KLHL3: variants seen among roughly 807,000 people sequenced by gnomAD.
The protein encoded by KLHL3 is kelch like family member 3, also known as kelch-like protein 3.
Under a neutral mutation model 70.5 loss-of-function variants are expected in KLHL3, and 19 were observed. The ratio of observed to expected loss-of-function variants is 0.27; its 90% CI spans 0.19 to 0.40. The LOEUF (loss-of-function observed/expected upper bound fraction) is 0.40, where lower values mean the gene tolerates loss of function less well. Ranked by LOEUF, KLHL3 falls within the 10% of genes least tolerant of loss-of-function variation. The probability of loss-of-function intolerance (pLI) is 1.00; values close to 1 mark genes in which losing one functional copy is unlikely to be tolerated. For missense variants in KLHL3, 512 were observed against 771.1 expected (o/e 0.66, Z 3.98); for synonymous variants, 258 against 290.3 (o/e 0.89, Z 1.13).
chr5:137,678,222 T>C (rs865833403), intron 5 of KLHL3, among the ~76,000 whole-genome samples: 11 of 152,148 alleles, frequency 7.2e-5, no homozygotes, highest in Admixed American at 2.0e-4. Flanking sequence ...CATCCAGGTA[T>C]AGTGGCAACA....
chr5:137,673,842 A>AAGT (rs1554093258), intron 6 of KLHL3: 29,546 of 151,868 alleles, frequency 0.19, 3,128 homozygotes, highest in African/African-American at 0.27. Context: ...ATGCTGGAAG[A>AAGT]ACAGTCTCTG....
intron 1 of KLHL3, among the ~76,000 whole-genome samples, chr5:137,721,816 C>G (rs1753002770): frequency 6.6e-6 from 1 of 152,214 alleles, no homozygotes; most frequent in Admixed American, 6.5e-5. Flanking sequence ...ACAAAATACT[C>G]AAATCCCTGT....
At chr5:137,655,929 T>C (rs1751329385) in intron 8 of KLHL3, among the ~76,000 whole-genome samples, 1 of 141,094 alleles carries the variant, frequency 7.1e-6, no homozygotes, top group South Asian at 2.2e-4. Context: ...AGATGGAAGC[T>C]GAAGTGAGCT....
Position 137,735,915 on chromosome 5 carries a change from C to T in KLHL3, c.-269G>A, listed in dbSNP as rs1327722477. 5.7e-6 allele frequency: 3 copies of T among 524,522 alleles called. No individual in the cohort carries two copies. The highest frequency in any genetic ancestry group is 3.1e-5 in the Admixed American group (1 of 32,252). The allele number at this position is 524,522 out of a possible 1,614,324, so 32.5% of individuals were successfully genotyped here. Reference sequence around the variant, plus strand: ...GCTGCTAAAAGCAGCAACCCACTTGCTCCCCCTCCCCCGCAGGCTTGCTGC... The same window carrying T: ...GCTGCTAAAAGCAGCAACCCACTTGTTCCCCCTCCCCCGCAGGCTTGCTGC... On this transcript the variant is annotated 5_prime_UTR_variant, in exon 1 of 15. Transcript: ENST00000309755.
intron 7 of KLHL3, among the ~76,000 whole-genome samples, chr5:137,658,818 G>A (rs1561594349): frequency 6.6e-6 from 1 of 152,160 alleles, no homozygotes; most frequent in Admixed American, 6.5e-5. Context: ...AGGTCTCAGG[G>A]CAGAAAATCG....
intron 12 of KLHL3, 97 bp from the exon 13 acceptor site, chr5:137,628,534 G>A (rs571823862): frequency 1.0e-5 from 14 of 1,369,792 alleles, no homozygotes; most frequent in South Asian, 9.4e-5. Context: ...TGACCAGTGA[G>A]GGGACTTGGG....
intron 13 of KLHL3, among the ~76,000 whole-genome samples, chr5:137,626,650 C>A (rs139497456): frequency 1.3e-5 from 2 of 151,998 alleles, no homozygotes; most frequent in Non-Finnish European, 2.9e-5. Context: ...ACTGGTGAGA[C>A]GAAAAAATGG....
At chr5:137,706,475 G>C in intron 3 of KLHL3, 1 of 678,210 alleles carries the variant, frequency 1.5e-6, no homozygotes, top group Non-Finnish European at 1.8e-6. Flanking sequence ...TGGTACAACT[G>C]TTCTTTAGAT....
At chr5:137,700,547 T>C (rs1381756326) in intron 3 of KLHL3, among the ~76,000 whole-genome samples, 22 of 152,226 alleles carry the variant, frequency 1.4e-4, no homozygotes, top group Admixed American at 1.4e-3. Context: ...TTTTTATATA[T>C]GTGCAAAAGT....
chr5:137,711,495 C>G (rs1420281770), intron 2 of KLHL3, among the ~76,000 whole-genome samples: 1 of 152,186 alleles, frequency 6.6e-6, no homozygotes, highest in Non-Finnish European at 1.5e-5. Context: ...GAGAAGTGGA[C>G]AGGAAGTAGA....
intron 6 of KLHL3, among the ~76,000 whole-genome samples, chr5:137,666,639 T>C (rs1751621369): frequency 6.6e-6 from 1 of 152,248 alleles, no homozygotes; most frequent in Non-Finnish European, 1.5e-5. Context: ...GCTTCACTTG[T>C]GTAACTAGTT....
At chr5:137,718,944 G>C (rs1752947033) in intron 2 of KLHL3, among the ~76,000 whole-genome samples, 1 of 152,212 alleles carries the variant, frequency 6.6e-6, no homozygotes, top group African/African-American at 2.4e-5. Context: ...CATAGAATCA[G>C]GTAGAACTTT....
intron 6 of KLHL3, among the ~76,000 whole-genome samples, chr5:137,675,424 T>G (rs1040408694): frequency 6.6e-6 from 1 of 152,194 alleles, no homozygotes; most frequent in Admixed American, 6.5e-5. Context: ...TTGTGACAAT[T>G]ACAATGACAA....
intron 6 of KLHL3, among the ~76,000 whole-genome samples, chr5:137,663,056 CTTTT>C (rs139890036): frequency 3.8e-5 from 3 of 77,928 alleles, no homozygotes; most frequent in African/African-American, 5.4e-5. Context: ...AGCACTCGTT[CTTTT>C]TTTTTTTTTT....
rs542502057 is a variant in KLHL3 at position 137,711,927 on chromosome 5, G to C, written c.135-2071C>G. On this transcript the variant is annotated intron_variant, in intron 2 of 14. Coordinates refer to ENST00000309755, the MANE Select transcript of KLHL3 (RefSeq NM_017415.3). ...ACCACACTTTGGGAGGCTGAGGAAGGCAGATCACTTCAGGCCAGGAGTTTG... is the reference window on the plus strand; with the variant it reads ...ACCACACTTTGGGAGGCTGAGGAAGCCAGATCACTTCAGGCCAGGAGTTTG... Among the ~76,000 whole-genome samples the C allele has an allele frequency of 9.2e-5, 14 of 151,820 alleles. No individual in the cohort carries two copies. In the South Asian group the frequency reaches 2.5e-3, roughly 27 times the overall value.
At chr5:137,726,214 G>A (rs1753082874) in intron 1 of KLHL3, among the ~76,000 whole-genome samples, 3 of 152,088 alleles carry the variant, frequency 2.0e-5, no homozygotes, top group African/African-American at 7.2e-5. Context: ...TGTTCTATAT[G>A]TTGAGGGTCC....
intron 3 of KLHL3, among the ~76,000 whole-genome samples, chr5:137,709,450 G>A (rs535347530): frequency 6.6e-6 from 1 of 152,348 alleles, no homozygotes; most frequent in Admixed American, 6.5e-5. Flanking sequence ...GTGCCCAGGA[G>A]TCTACATTGT....
At chr5:137,676,232 C>A (rs1274493237) in intron 6 of KLHL3, among the ~76,000 whole-genome samples, 1 of 152,048 alleles carries the variant, frequency 6.6e-6, no homozygotes, top group East Asian at 1.9e-4. Context: ...CAAACTTTTC[C>A]AGGATGGCAG....
At chr5:137,626,661 A>T (rs1750469568) in intron 13 of KLHL3, among the ~76,000 whole-genome samples, 1 of 152,184 alleles carries the variant, frequency 6.6e-6, no homozygotes, top group African/African-American at 2.4e-5. Context: ...GAAAAAATGG[A>T]CACCCTCCTG....
Sources: allele counts gnomAD v4.1 joint callset (sites outside exome capture counted in the v4.1 genomes callset), GRCh38; gene constraint gnomAD v4.1.1; transcripts MANE v1.5; gene names NCBI Gene and HGNC (gene_info 2026-07-23, HGNC 2026-07-21).